The following DIP2B variants were observed in gnomAD, a reference collection of about 807,000 sequenced individuals.
DIP2B encodes the protein disco-interacting protein 2 homolog B.
In DIP2B, 76 loss-of-function variants were observed where a neutral mutation model predicts 198.0. The observed-to-expected ratio is 0.38, with a 90% CI of 0.32 to 0.46. The LOEUF (loss-of-function observed/expected upper bound fraction) is 0.46, where lower values mean the gene tolerates loss of function less well. DIP2B is among the 20% of genes least tolerant of loss of function. The pLI is 0.99. For missense variants in DIP2B, 1,559 were observed against 1,978.4 expected (o/e 0.79, Z 4.02); for synonymous variants, 701 against 739.1 (o/e 0.95, Z 0.84).
chr12:50,532,187 G>T (rs1220545633), intron 1 of DIP2B, among the ~76,000 whole-genome samples: 2 of 152,172 alleles, frequency 1.3e-5, no homozygotes, highest in Non-Finnish European at 2.9e-5. Flanking sequence ...GGGAGTTCTT[G>T]CCTAGTGGCC....
At chr12:50,671,488 T>TC (rs760370266) in intron 5 of DIP2B, 90 bp downstream of exon 5, 176 of 1,290,364 alleles carry the variant, frequency 1.4e-4, no homozygotes, top group Non-Finnish European at 1.8e-4. Flanking sequence ...GTTAGGTTTT[T>TC]CAGTATGGCC....
intron 3 of DIP2B, among the ~76,000 whole-genome samples, chr12:50,643,368 TTG>T (rs1938293019): frequency 6.7e-6 from 1 of 148,182 alleles, no homozygotes; most frequent in Non-Finnish European, 1.5e-5. Flanking sequence ...ACTAGAGAGT[TTG>T]TAACAATTGT....
rs373037803 is a variant in DIP2B, at chr12:50,614,264, TCTC to T, written c.101-11708_101-11706del. Among the ~76,000 whole-genome samples, 42 of 152,264 alleles carry T rather than the reference TCTC, an allele frequency of 2.8e-4. No individual in the cohort carries two copies. The South Asian group carries it at 7.9e-3, about 29-fold the overall frequency. ...TATTTGTGACAGTGTGCACTCATCT[TCTC>T]CTCTCTGCCTCCATTTTCCTCATTC... On this transcript the variant is annotated intron_variant, in intron 1 of 37. Coordinates refer to ENST00000301180, the MANE Select transcript of DIP2B (RefSeq NM_173602.3).
At chr12:50,535,240 GA>G (rs1296198343) in intron 1 of DIP2B, among the ~76,000 whole-genome samples, 1 of 151,754 alleles carries the variant, frequency 6.6e-6, no homozygotes, top group Non-Finnish European at 1.5e-5. Flanking sequence ...TCAAAAAGAA[GA>G]AAAAATAAAT....
chr12:50,591,092 T>C lies in DIP2B; in HGVS notation c.101-34884T>C, dbSNP rs1958814777. 2.6e-5 allele frequency among the ~76,000 whole-genome samples: 4 copies of C among 152,246 alleles called. No homozygotes were observed. In the South Asian group the frequency reaches 8.3e-4, roughly 32 times the overall value. ...AAGAGGGCCCTTACCAGACACCAGA[T>C]GCTTTGCTGTTGGACTTCTCAGCCT... On this transcript the variant is annotated intron_variant, in intron 1 of 37. Coordinates refer to ENST00000301180, the MANE Select transcript of DIP2B (RefSeq NM_173602.3).
chr12:50,572,099 T>C (rs532372411), intron 1 of DIP2B, among the ~76,000 whole-genome samples: 6 of 152,352 alleles, frequency 3.9e-5, no homozygotes, highest in African/African-American at 1.4e-4. Flanking sequence ...ACGTAAAATA[T>C]TTATATTTGT....
chr12:50,588,761 A>AT (rs1958792528), intron 1 of DIP2B, among the ~76,000 whole-genome samples: 4 of 152,158 alleles, frequency 2.6e-5, no homozygotes, highest in Admixed American at 1.3e-4. Flanking sequence ...AGAACATTAT[A>AT]AATTTGGAGG....
At chr12:50,636,395 T>G (rs1489341815) in intron 2 of DIP2B, among the ~76,000 whole-genome samples, 1 of 152,194 alleles carries the variant, frequency 6.6e-6, no homozygotes. Context: ...TTTGTTTGGT[T>G]TGGATGGTAT....
rs577240247 is a variant in DIP2B at position 50,519,644 on chromosome 12, G to A, written c.100+14404G>A. Among the ~76,000 whole-genome samples the A allele has an allele frequency of 3.9e-5, 6 of 152,216 alleles. 1 individual carries two copies. The South Asian group carries it at 8.3e-4, about 21-fold the overall frequency. On this transcript the variant is annotated intron_variant, in intron 1 of 37. Coordinates refer to ENST00000301180, the MANE Select transcript of DIP2B (RefSeq NM_173602.3). ...AAGGTCTGTGTTGTGAACAGGCCTC[G>A]AGCTTCTGGGTTATTGATTCTGGGT... is the stretch of plus-strand genomic sequence containing the variant.
intron 1 of DIP2B, among the ~76,000 whole-genome samples, chr12:50,565,238 C>T (rs193112918): frequency 6.6e-6 from 1 of 152,092 alleles, no homozygotes; most frequent in Admixed American, 6.5e-5. Flanking sequence ...CTCAAATGAT[C>T]TGCCTGCCTC....
intron 1 of DIP2B, among the ~76,000 whole-genome samples, chr12:50,601,622 G>C (rs558916683): frequency 1.3e-5 from 2 of 152,304 alleles, no homozygotes; most frequent in Non-Finnish European, 2.9e-5. Flanking sequence ...ACAGGCGTGA[G>C]CCACCGCGCC....
At chr12:50,602,093 C>G (rs1305515014) in intron 1 of DIP2B, among the ~76,000 whole-genome samples, 2 of 152,206 alleles carry the variant, frequency 1.3e-5, no homozygotes, top group Non-Finnish European at 2.9e-5. Flanking sequence ...TCATGTAATT[C>G]AAACCTCAAG....
chr12:50,657,958 G>A (rs1332858939), intron 3 of DIP2B, among the ~76,000 whole-genome samples: 1 of 151,948 alleles, frequency 6.6e-6, no homozygotes, highest in East Asian at 1.9e-4. Context: ...TTAGATAATA[G>A]TTTGTATCAA....
intron 32 of DIP2B, 118 bp from the exon 33 acceptor site, chr12:50,734,017 A>G: frequency 9.9e-7 from 1 of 1,007,332 alleles, no homozygotes; most frequent in Non-Finnish European, 1.6e-6. Flanking sequence ...TCTCAAGGGG[A>G]GGAGAGGTGA....
chr12:50,696,842 A>G (rs1939321155), intron 16 of DIP2B, among the ~76,000 whole-genome samples: 1 of 152,202 alleles, frequency 6.6e-6, no homozygotes. Flanking sequence ...GTAATTTTAA[A>G]TAGTGTCAGT....
At chr12:50,725,343 C>T (rs1009741491) in intron 28 of DIP2B, among the ~76,000 whole-genome samples, 14 of 152,150 alleles carry the variant, frequency 9.2e-5, no homozygotes, top group Non-Finnish European at 1.6e-4. Context: ...CTGCCTACCC[C>T]TGCCTGACTT....
intron 10 of DIP2B, among the ~76,000 whole-genome samples, chr12:50,684,524 G>T (rs938357215): frequency 6.6e-6 from 1 of 152,220 alleles, no homozygotes; most frequent in Non-Finnish European, 1.5e-5. Flanking sequence ...AGGCACAATG[G>T]CTCACACCTG....
intron 1 of DIP2B, among the ~76,000 whole-genome samples, chr12:50,540,053 G>GTTTTTTTTTTTTTTT (rs60978324): frequency 7.9e-4 from 35 of 44,170 alleles, no homozygotes; most frequent in East Asian, 1.3e-3. Flanking sequence ...TTGTTTCTGT[G>GTTTTTTTTTTTTTTT]TTTTTTTTTT....
intron 2 of DIP2B, among the ~76,000 whole-genome samples, 188 bp from the exon 3 acceptor site, chr12:50,640,536 C>CT (rs1342783836): frequency 6.6e-6 from 1 of 152,058 alleles, no homozygotes. Context: ...ATTTAAGGCT[C>CT]TAAGATGATA....
Sources: gnomAD v4.1 joint callset for allele counts (sites outside exome capture counted in the v4.1 genomes callset) on GRCh38, gnomAD v4.1.1 for gene constraint, MANE v1.5 for transcripts, NCBI Gene and HGNC (gene_info 2026-07-23, HGNC 2026-07-21) for gene names.